The following NHSL2 variants were observed in gnomAD, a reference collection of about 807,000 sequenced individuals.
NHSL2 encodes the protein NHS like 2.
Under a neutral mutation model 53.4 loss-of-function variants are expected in NHSL2, and 27 were observed. The ratio of observed to expected loss-of-function variants is 0.51; its 90% CI spans 0.37 to 0.70. The LOEUF is 0.70. Among genes scored for constraint, NHSL2 ranks in the 30% least tolerant of loss-of-function variants. NHSL2 has a pLI of 0.00. For missense variants in NHSL2, 892 were observed against 980.1 expected, an observed-to-expected ratio of 0.91 and a Z score of 1.20; for synonymous variants, 408 against 404.1, an observed-to-expected ratio of 1.01 and a Z score of -0.12.
chrX:72,094,997 T>G (rs2041931961), intron 1 of NHSL2, among the ~76,000 whole-genome samples: 2 of 112,181 alleles, frequency 1.8e-5, no homozygotes, highest in Admixed American at 1.9e-4. Context: ...GTTGCCTGAT[T>G]AGCAGACACA....
chrX:71,929,305 G>A (rs950361037), intron 1 of NHSL2, among the ~76,000 whole-genome samples: 1 of 112,156 alleles, frequency 8.9e-6, no homozygotes, highest in Non-Finnish European at 1.9e-5. Flanking sequence ...ATCTAGCGCT[G>A]GGTCTTATAA....
At chrX:71,963,989 A>G (rs1219224756) in intron 1 of NHSL2, among the ~76,000 whole-genome samples, 3 of 55,599 alleles carry the variant, frequency 5.4e-5, no homozygotes, top group African/African-American at 2.8e-4. Flanking sequence ...ATATATATAT[A>G]TATGTATATA....
intron 1 of NHSL2, chrX:72,130,025 G>A (rs1028313139): frequency 3.3e-6 from 4 of 1,209,256 alleles, no homozygotes; most frequent in South Asian, 1.8e-5. Flanking sequence ...TGGTTCCTCC[G>A]TCTGCTAGGC....
At chrX:72,131,328 G>A (rs774040323) in intron 1 of NHSL2, 3 of 1,203,007 alleles carry the variant, frequency 2.5e-6, no homozygotes, top group Non-Finnish European at 2.2e-6. Context: ...CACTGAGCGC[G>A]AACTCCAAGT....
intron 1 of NHSL2, among the ~76,000 whole-genome samples, chrX:72,068,767 G>A (rs2042447428): frequency 8.9e-6 from 1 of 111,884 alleles, no homozygotes; most frequent in African/African-American, 3.3e-5. Flanking sequence ...CCCAGTTCCA[G>A]TCTGTGAATC....
Position 72,142,383 on chromosome X carries a change from A to C in NHSL2, c.3356+19A>C. 9.1e-7 allele frequency: 1 copy of C among 1,093,332 alleles called. No homozygotes were observed. The highest frequency in any genetic ancestry group is 1.8e-5 in the African/African-American group (1 of 54,979). 90.1% of individuals were successfully genotyped at this position (1,093,332 alleles called of 1,213,427 possible). Reference sequence around the variant, plus strand: ...TACACAGGTCTGCACCAATTTCCTTAATTCTAATTGCAATTGCCTTCCCTT... The same window carrying C: ...TACACAGGTCTGCACCAATTTCCTTCATTCTAATTGCAATTGCCTTCCCTT... On this transcript the variant is annotated intron_variant, in intron 7 of 7. Transcript: ENST00000633930.
chrX:71,979,504 A>G (rs1391279918), intron 1 of NHSL2, among the ~76,000 whole-genome samples: 1 of 112,258 alleles, frequency 8.9e-6, no homozygotes, highest in Admixed American at 9.4e-5. Context: ...CATTTCTCTG[A>G]TGGCCAGTGA....
intron 1 of NHSL2, among the ~76,000 whole-genome samples, chrX:72,125,295 C>A (rs890052571): frequency 8.9e-6 from 1 of 111,888 alleles, no homozygotes; most frequent in Non-Finnish European, 1.9e-5. Context: ...TAGAGGACAT[C>A]TTCTAGTCCT....
At chrX:71,977,014 G>A (rs1037006438) in intron 1 of NHSL2, among the ~76,000 whole-genome samples, 1 of 112,226 alleles carries the variant, frequency 8.9e-6, no homozygotes, top group African/African-American at 3.2e-5. Flanking sequence ...TTTAGAACAA[G>A]TTGCAAAGCA....
At chrX:72,124,933 A>G (rs1191241472) in intron 1 of NHSL2, among the ~76,000 whole-genome samples, 2 of 111,806 alleles carry the variant, frequency 1.8e-5, no homozygotes, top group Non-Finnish European at 3.8e-5. Context: ...TGGCAAGCCA[A>G]AGGGCTTCTG....
At chrX:71,996,747 G>T (rs141933141) in intron 1 of NHSL2, among the ~76,000 whole-genome samples, 3,829 of 112,018 alleles carry the variant, frequency 0.034, 165 homozygotes, top group African/African-American at 0.12. Flanking sequence ...GCTGACCAAG[G>T]TCTAGGAGGC....
In NHSL2 at chrX:72,147,266, G is replaced by A. The variant is rs900639909; in HGVS notation, c.*3692G>A. The A allele has an allele frequency of 8.9e-6, 1 of 112,291 alleles. No homozygotes were observed. The highest frequency in any genetic ancestry group is 3.2e-5 in the African/African-American group (1 of 30,855). 9.3% of individuals were successfully genotyped at this position (112,291 alleles called of 1,213,427 possible). On this transcript the variant is annotated 3_prime_UTR_variant, in exon 8 of 8. Transcript: ENST00000633930. ...GTGAGCTTTCGCTTTAATATGATTT[G>A]CTAGGGCCAGGACTAGGGTGAGGTG...
intron 1 of NHSL2, among the ~76,000 whole-genome samples, chrX:72,118,035 A>G (rs1439458172): frequency 9.1e-6 from 1 of 110,483 alleles, no homozygotes; most frequent in Non-Finnish European, 1.9e-5. Flanking sequence ...TAACATTTTG[A>G]GGAACTGCCA....
intron 1 of NHSL2, among the ~76,000 whole-genome samples, chrX:71,988,916 T>G (rs1374578200): frequency 1.8e-5 from 2 of 112,152 alleles, no homozygotes; most frequent in East Asian, 5.6e-4. Flanking sequence ...TCTGTTGACT[T>G]CCTGCCAAGC....
At chrX:72,092,546 G>A (rs764733938) in intron 1 of NHSL2, among the ~76,000 whole-genome samples, 1 of 111,730 alleles carries the variant, frequency 9.0e-6, no homozygotes, top group Admixed American at 9.4e-5. Flanking sequence ...GCTGTCTGGT[G>A]TGTCCATTTG....
At chrX:71,932,587 A>G (rs1434505567) in intron 1 of NHSL2, among the ~76,000 whole-genome samples, 1 of 111,453 alleles carries the variant, frequency 9.0e-6, no homozygotes, top group Non-Finnish European at 1.9e-5. Context: ...GAGGAGGTGG[A>G]CAGATTCACA....
At chrX:72,137,599 T>C (rs2042368642) in intron 5 of NHSL2, among the ~76,000 whole-genome samples, 1 of 111,691 alleles carries the variant, frequency 9.0e-6, no homozygotes, top group South Asian at 3.7e-4. Context: ...ACCAGGGAGA[T>C]AGCAGAGGGT....
intron 1 of NHSL2, among the ~76,000 whole-genome samples, chrX:72,097,651 A>G (rs1471274962): frequency 1.8e-5 from 2 of 111,905 alleles, no homozygotes; most frequent in African/African-American, 3.3e-5. Flanking sequence ...TCTGCTTGAC[A>G]GTCTGCTGAG....
At chrX:72,133,518 C>G (rs1424161759) in intron 2 of NHSL2, 2 of 94,968 alleles carry the variant, frequency 2.1e-5, no homozygotes, top group African/African-American at 7.6e-5. Context: ...ACTTCTGCCT[C>G]TTTTATGCTG....
Sources: gnomAD v4.1 joint callset for allele counts (sites outside exome capture counted in the v4.1 genomes callset) on GRCh38, gnomAD v4.1.1 for gene constraint, MANE v1.5 for transcripts, NCBI Gene and HGNC (gene_info 2026-07-23, HGNC 2026-07-21) for gene names.